The following PARP14 variants were observed in gnomAD, a reference collection of about 807,000 sequenced individuals.
The protein encoded by PARP14 is poly(ADP-ribose) polymerase family member 14.
PARP14 carries 59 observed loss-of-function variants against 154.2 expected under a neutral mutation model. The ratio of observed to expected loss-of-function variants is 0.38; its 90% CI spans 0.31 to 0.48. The LOEUF (loss-of-function observed/expected upper bound fraction) is 0.48. PARP14 is among the 20% of genes least tolerant of loss of function. The pLI is 0.98. For synonymous variants in PARP14, 720 were observed against 780.5 expected (o/e 0.92, Z 1.29); for missense variants, 1,734 against 2,131.6 (o/e 0.81, Z 3.67).
In PARP14 at chr3:122,701,136, C is replaced by A; in HGVS notation, c.2582C>A (p.Pro861Gln). 1.2e-6 allele frequency: 2 copies of A among 1,613,880 alleles called. No individual in the cohort carries two copies. The highest frequency in any genetic ancestry group is 1.1e-5 in the South Asian group (1 of 91,080). The part of the protein sequence containing the change: ...QIVKREGRLL[P>Q]GNATISKAGK... ...GTGAAGAGAGAGGGCAGACTCCTAC[C>A]GGGCAATGCCACCATCTCCAAGGCA... is the stretch of plus-strand genomic sequence containing the variant. The change falls in exon 6 of 17, where the codon CCG becomes CAG. Residue 861 changes from proline (P) to glutamine (Q), a missense_variant. Pro to Gln is a moderately conservative substitution (Grantham distance 76). Coordinates refer to ENST00000474629, the MANE Select transcript of PARP14 (RefSeq NM_017554.3). The surrounding 1 kb of genome is among the most constrained non-coding windows in gnomAD (Gnocchi z 4.0).
Position 122,699,801 on chromosome 3 carries a change from A to G in PARP14, c.1247A>G (p.Asp416Gly), listed in dbSNP as rs748234553. The G allele has an allele frequency of 6.2e-7, 1 of 1,613,994 alleles. No homozygotes were observed. Among genetic ancestry groups the G allele is most frequent in the Non-Finnish European group, 8.5e-7 (1 of 1,179,836 alleles). ...ACAATGTGGGACACCATAAAAAATG[A>G]TGTGAAAGATGACAGGATTTTGATT... ...DPTMWDTIKN[D>G]VKDDRILIEF... is the part of the protein sequence containing the mutation. The change falls in exon 6 of 17, where the codon GAT (aspartate) becomes GGT (glycine). Residue 416 changes from aspartate to glycine, a missense_variant. Asp to Gly is a moderately conservative substitution (Grantham distance 94, BLOSUM62 -1). Around this residue, in one of 2 missense-constraint regions of PARP14, gnomAD observed 1,646 missense variants for 1,976.0 expected, o/e 0.83. Transcript: ENST00000474629.
intron 15 of PARP14, among the ~76,000 whole-genome samples, chr3:122,723,574 G>C (rs1933211963): frequency 6.6e-6 from 1 of 152,114 alleles, no homozygotes; most frequent in Admixed American, 6.6e-5. Context: ...AGCTGAGTTA[G>C]GTTGAAAGGT....
In PARP14 at chr3:122,728,662, T is replaced by C. The variant is rs1933347412; in HGVS notation, c.*65T>C. On this transcript the variant is annotated 3_prime_UTR_variant, in exon 17 of 17. Transcript: ENST00000474629. ...ACATATCTAGTTGTAAAACAAGTTT[T>C]AGCTTTTTTTTTTAATTCCTCTTAA... 3 of 1,341,056 alleles carry C rather than the reference T, an allele frequency of 2.2e-6. No homozygotes were observed. The African/African-American group carries it at 4.4e-5, about 20-fold the overall frequency. 83.1% of individuals were successfully genotyped at this position (1,341,056 alleles called of 1,614,324 possible). A position where few individuals can be genotyped will look rare whatever the true frequency, so the allele number is the denominator to read the frequency against.
intron 12 of PARP14, among the ~76,000 whole-genome samples, chr3:122,717,153 A>C (rs1004363790): frequency 5.9e-5 from 9 of 152,230 alleles, no homozygotes; most frequent in African/African-American, 1.9e-4. Context: ...CACAATTGTC[A>C]GCATAGCCAA....
chr3:122,714,108 T>A (rs1321747749), intron 11 of PARP14, among the ~76,000 whole-genome samples, 154 bp from the exon 12 acceptor site: 3 of 151,992 alleles, frequency 2.0e-5, no homozygotes, highest in Admixed American at 1.3e-4. Flanking sequence ...CAGTTAAAAG[T>A]AAAGTTAAGT....
chr3:122,709,892 G>GTT (rs146839683), intron 9 of PARP14, among the ~76,000 whole-genome samples: 203 of 145,638 alleles, frequency 1.4e-3, no homozygotes, highest in Middle Eastern at 6.9e-3. Flanking sequence ...GGGATTATTT[G>GTT]TTTTTTTTTT....
chr3:122,704,201 G>A (rs1939076214), intron 7 of PARP14, among the ~76,000 whole-genome samples: 1 of 152,232 alleles, frequency 6.6e-6, no homozygotes, highest in South Asian at 2.1e-4. Flanking sequence ...AATTATTGGA[G>A]CTCAGGGAAG....
At chr3:122,709,237 A>C (rs985346768) in intron 9 of PARP14, among the ~76,000 whole-genome samples, 1 of 150,942 alleles carries the variant, frequency 6.6e-6, no homozygotes, top group African/African-American at 2.4e-5. Context: ...CCCAAATTCC[A>C]TTATATCACT....
chr3:122,699,687 C>T lies in PARP14; in HGVS notation c.1133C>T (p.Pro378Leu), dbSNP rs373958113. 61 of 1,613,792 alleles carry T rather than the reference C, an allele frequency of 3.8e-5. No homozygotes were observed. Among genetic ancestry groups the T allele is most frequent in the African/African-American group, 8.0e-5 (6 of 74,894 alleles). The change falls in exon 6 of 17, where the codon CCG (proline) becomes CTG (leucine). Residue 378 changes from proline (P) to leucine (L), a missense_variant. By Grantham distance (98) the Pro-to-Leu change is moderately conservative. Transcript: ENST00000474629. ...PAATLVNEGRPRIKTWQADTS... is the reference protein window; with the variant it reads ...PAATLVNEGRLRIKTWQADTS... ...GCCACCTTAGTCAATGAAGGAAGAC[C>T]GAGAATCAAGACCTGGCAGGCAGAT...
chr3:122,688,150 C>G (rs567662058), intron 3 of PARP14, among the ~76,000 whole-genome samples: 1 of 152,214 alleles, frequency 6.6e-6, no homozygotes, highest in Non-Finnish European at 1.5e-5. Flanking sequence ...ACTGGCTCCC[C>G]CAGCTCCCAG....
Position 122,730,068 on chromosome 3 carries a change from G to A in PARP14, c.*1471G>A, listed in dbSNP as rs1287828153. On this transcript the variant is annotated 3_prime_UTR_variant, in exon 17 of 17. Transcript: ENST00000474629. ...TAAAATAGGTGCTTTCATACACATTGTCTCAATTCCTGTGAGGTCAGAATT... is the reference window on the plus strand; with the variant it reads ...TAAAATAGGTGCTTTCATACACATTATCTCAATTCCTGTGAGGTCAGAATT... 1.3e-5 allele frequency: 2 copies of A among 152,122 alleles called. No homozygotes were observed. The highest frequency in any genetic ancestry group is 6.5e-5 in the Admixed American group (1 of 15,276). The allele number at this position is 152,122 out of a possible 1,614,324, so 9.4% of individuals were successfully genotyped here.
In PARP14 at chr3:122,685,192, G is replaced by T. The variant is rs1938331625; in HGVS notation, c.195G>T (p.Gln65His). 5 of 1,613,830 alleles carry T rather than the reference G, an allele frequency of 3.1e-6. No homozygotes were observed. Among genetic ancestry groups the T allele is most frequent in the Non-Finnish European group, 4.2e-6 (5 of 1,179,772 alleles). Residue 65 changes from glutamine to histidine, a missense_variant, in exon 2 of 17, where the codon CAG (glutamine) becomes CAT (histidine). Around this residue, in one of 2 missense-constraint regions of PARP14, gnomAD observed 1,646 missense variants for 1,976.0 expected, o/e 0.83. Coordinates refer to ENST00000474629, the MANE Select transcript of PARP14 (RefSeq NM_017554.3). ...LVFFYPEDVRQKVLERKNHEL... is the reference protein window; with the variant it reads ...LVFFYPEDVRHKVLERKNHEL... ...CCCCTTTGGACATTTCAGTTCGGCAGAAGGTTCTGGAGAGAAAAAATCATG... is the reference window on the plus strand; with the variant it reads ...CCCCTTTGGACATTTCAGTTCGGCATAAGGTTCTGGAGAGAAAAAATCATG...
At chr3:122,686,321 T>C (rs1177382952) in intron 2 of PARP14, among the ~76,000 whole-genome samples, 1 of 151,432 alleles carries the variant, frequency 6.6e-6, no homozygotes, top group Admixed American at 6.6e-5. Context: ...ACCTGGCTAA[T>C]TTTTTGTATT....
chr3:122,713,477 G>A lies in PARP14; in HGVS notation c.3673G>A (p.Gly1225Ser). 6.2e-7 allele frequency: 1 copy of A among 1,612,326 alleles called. No individual in the cohort carries two copies. Among genetic ancestry groups the A allele is most frequent in the Non-Finnish European group, 8.5e-7 (1 of 1,178,440 alleles). The change falls in exon 10 of 17, where the codon GGC (glycine) becomes AGC (serine). Residue 1225 changes from glycine (G) to serine (S), a missense_variant. Gly to Ser is a moderately conservative substitution (Grantham distance 56). Coordinates refer to ENST00000474629, the MANE Select transcript of PARP14 (RefSeq NM_017554.3). The stretch of plus-strand genomic sequence containing the variant: ...TTCAGGTGTGTATGAAATGAAGATT[G>A]GCTCCATCATCTTCCAGGTGGCTTC... ...PDSGVYEMKI[G>S]SIIFQVASGD...
chr3:122,687,768 G>T (rs1421620405), intron 3 of PARP14, among the ~76,000 whole-genome samples: 1 of 152,222 alleles, frequency 6.6e-6, no homozygotes, highest in Non-Finnish European at 1.5e-5. Context: ...AGCTAAGCAT[G>T]CTATTATAAA....
In PARP14 at chr3:122,681,101, G is replaced by C. The variant is rs767493719; in HGVS notation, c.187+31G>C. 1 of 1,543,360 alleles carries C rather than the reference G, an allele frequency of 6.5e-7. No homozygotes were observed. Among genetic ancestry groups the C allele is most frequent in the Admixed American group, 1.7e-5 (1 of 59,418 alleles). On this transcript the variant is annotated intron_variant, in intron 1 of 16. Transcript: ENST00000474629. The surrounding 1 kb of genome is among the most constrained non-coding windows in gnomAD (Gnocchi z 5.5). ...GGGCGCGAGGGGTGGGGTGAGGAGG[G>C]GGCACCTCTGCCCTCCCTCCAGGGA...
Position 122,701,349 on chromosome 3 carries a change from G to C in PARP14, c.2795G>C (p.Arg932Pro), listed in dbSNP as rs377067966. The C allele has an allele frequency of 1.4e-5, 23 of 1,613,902 alleles. No homozygotes were observed. The Middle Eastern group carries it at 4.9e-4, about 35-fold the overall frequency. Residue 932 changes from arginine to proline, a missense_variant, in exon 6 of 17, where the codon CGA becomes CCA. Physicochemically the swap from Arg to Pro is moderately radical, Grantham distance 103. Transcript: ENST00000474629. The surrounding 1 kb of genome is among the most constrained non-coding windows in gnomAD (Gnocchi z 4.0). Reference protein sequence around the residue: ...SSGVFGFPLGRCVETIVSAIK... With the variant: ...SSGVFGFPLGPCVETIVSAIK... ...GGAGTCTTTGGCTTTCCCTTAGGCC[G>C]ATGCGTGGAGACCATTGTTTCTGCC...
At chr3:122,713,829 G>GA in intron 10 of PARP14, 43 bp from the exon 11 acceptor site, 1 of 1,400,830 alleles carries the variant, frequency 7.1e-7, no homozygotes, top group Non-Finnish European at 1.0e-6. Flanking sequence ...TACCATAGTG[G>GA]TTTTTTACTC....
intron 8 of PARP14, 142 bp downstream of exon 8, chr3:122,704,890 T>C (rs1939103988): frequency 8.2e-6 from 5 of 607,296 alleles, no homozygotes; most frequent in Non-Finnish European, 1.5e-5. Context: ...GTAGTTGTAG[T>C]TGTAGCATGA....
Sources: gnomAD v4.1 joint callset for allele counts (sites outside exome capture counted in the v4.1 genomes callset) on GRCh38, gnomAD v4.1.1 for gene constraint, gnomAD v4.1.1 regional missense constraint, Gnocchi (gnomAD v3.1) non-coding constraint, MANE v1.5 for transcripts, NCBI Gene and HGNC (gene_info 2026-07-23, HGNC 2026-07-21) for gene names.